THSD4: variants seen among roughly 807,000 people sequenced by gnomAD.
THSD4 encodes the protein thrombospondin type 1 domain containing 4.
In THSD4, 69 loss-of-function variants were observed where a neutral mutation model predicts 119.0. The observed-to-expected ratio is 0.58, with a 90% CI of 0.48 to 0.71. The LOEUF is 0.71. Ranked by LOEUF, THSD4 falls within the 30% of genes least tolerant of loss-of-function variation. The pLI is 0.00. For synonymous variants in THSD4, 524 were observed against 540.4 expected (o/e 0.97, Z 0.42); for missense variants, 1,393 against 1,391.1 (o/e 1.00, Z -0.02).
At chr15:71,674,351 G>A (rs907223732) in intron 8 of THSD4, among the ~76,000 whole-genome samples, 3 of 152,162 alleles carry the variant, frequency 2.0e-5, no homozygotes, top group South Asian at 2.1e-4. Context: ...CTGAGATTCG[G>A]TTTCCCCATA....
chr15:71,584,262 C>CT lies in THSD4; in HGVS notation c.1153-76245dup, dbSNP rs71154789. Among the ~76,000 whole-genome samples the CT allele has an allele frequency of 5.1e-3, 316 of 61,710 alleles. 11 individuals are homozygous for CT. Among genetic ancestry groups the CT allele is most frequent in the African/African-American group, 0.016 (216 of 13,130 alleles). 40.5% of individuals were successfully genotyped at this position (61,710 alleles called of 152,430 possible). ...TCACGTGGATTTTTTTTTTCACTTT[C>CT]TTTTTTTTTTTTTTTTTTTTTTTGA... is the stretch of plus-strand genomic sequence containing the variant. On this transcript the variant is annotated intron_variant, in intron 7 of 17. Transcript: ENST00000261862.
chr15:71,688,735 G>C (rs972986139), intron 8 of THSD4, among the ~76,000 whole-genome samples: 2 of 151,110 alleles, frequency 1.3e-5, no homozygotes, highest in African/African-American at 2.4e-5. Flanking sequence ...GTGTGTGTGT[G>C]TGTGTGTCTG....
intron 6 of THSD4, among the ~76,000 whole-genome samples, chr15:71,324,500 C>G (rs528703579): frequency 6.6e-6 from 1 of 152,102 alleles, no homozygotes; most frequent in Non-Finnish European, 1.5e-5. Context: ...GATTATATCA[C>G]TCTGTATGCC....
At chr15:71,233,077 GT>G in intron 4 of THSD4, among the ~76,000 whole-genome samples, 1 of 152,196 alleles carries the variant, frequency 6.6e-6, no homozygotes, top group Non-Finnish European at 1.5e-5. Context: ...TTCCGCCTCG[GT>G]ATGAGCTTGA....
chr15:71,289,287 A>G (rs552855449), intron 6 of THSD4, among the ~76,000 whole-genome samples: 6 of 152,126 alleles, frequency 3.9e-5, no homozygotes, highest in African/African-American at 1.2e-4. Flanking sequence ...CTGCTGGGAG[A>G]TGGGAATTAG....
At position 71,459,964 on chromosome 15, in the gene THSD4, T is replaced by TGCA. The variant is rs148468521; in HGVS notation, c.1152+48144_1152+48146dup. Among the ~76,000 whole-genome samples, 400 of 152,334 alleles carry TGCA rather than the reference T, an allele frequency of 2.6e-3. 2 individuals are homozygous for TGCA. The highest frequency in any genetic ancestry group is 9.0e-3 in the African/African-American group (374 of 41,582). ...TTATGCCACACTCAACCATACCTTT[T>TGCA]GCAGCCCCAAAGTTACCAGCGGTCT... On this transcript the variant is annotated intron_variant, in intron 7 of 17. Coordinates refer to ENST00000261862, the MANE Select transcript of THSD4 (RefSeq NM_024817.3).
chr15:71,103,670 T>A (rs1037698123), intron 1 of THSD4, among the ~76,000 whole-genome samples: 2 of 151,554 alleles, frequency 1.3e-5, no homozygotes, highest in Non-Finnish European at 2.9e-5. Flanking sequence ...ATAATTCCCC[T>A]CTCTTGGAAT....
rs185414799 is a variant in THSD4 at position 71,406,555 on chromosome 15, C to T, written c.1016-5132C>T. Among the ~76,000 whole-genome samples, 12 of 151,964 alleles carry T rather than the reference C, an allele frequency of 7.9e-5. No homozygotes were observed. The East Asian group carries it at 1.5e-3, about 20-fold the overall frequency. On this transcript the variant is annotated intron_variant, in intron 6 of 17. Coordinates refer to ENST00000261862, the MANE Select transcript of THSD4 (RefSeq NM_024817.3). ...CATATTGATCTTCTGTCTCATTGCT[C>T]CATTTATTATTGAAAGTGGGATATC...
intron 3 of THSD4, among the ~76,000 whole-genome samples, chr15:71,192,515 T>C: frequency 6.6e-6 from 1 of 152,118 alleles, no homozygotes; most frequent in Admixed American, 6.5e-5. Flanking sequence ...ACTCCTGGCC[T>C]CAAGTCTGCT....
chr15:71,236,032 C>T (rs2044102433), intron 4 of THSD4, among the ~76,000 whole-genome samples: 1 of 152,134 alleles, frequency 6.6e-6, no homozygotes, highest in Non-Finnish European at 1.5e-5. Context: ...GGTTCTCGGG[C>T]TCCACTCCTC....
chr15:71,566,200 T>G (rs2049235988), intron 7 of THSD4, among the ~76,000 whole-genome samples: 1 of 151,734 alleles, frequency 6.6e-6, no homozygotes, highest in African/African-American at 2.4e-5. Context: ...TCAAGTTCTC[T>G]TAAGGCACAG....
chr15:71,765,788 CTCTG>C (rs776483437), intron 16 of THSD4, among the ~76,000 whole-genome samples: 89 of 123,270 alleles, frequency 7.2e-4, no homozygotes, highest in African/African-American at 3.6e-3. Flanking sequence ...CGCACACACT[CTCTG>C]TGTGTGTGTG....
At chr15:71,678,004 G>A (rs758127328) in intron 8 of THSD4, among the ~76,000 whole-genome samples, 8 of 152,176 alleles carry the variant, frequency 5.3e-5, no homozygotes, top group East Asian at 1.9e-4. Flanking sequence ...AGGCAGCAGC[G>A]CCTAAGGACA....
chr15:71,461,405 A>G (rs546207085), intron 7 of THSD4, among the ~76,000 whole-genome samples: 2 of 152,312 alleles, frequency 1.3e-5, no homozygotes, highest in African/African-American at 4.8e-5. Context: ...TATTGGTTAC[A>G]AGGTCAGTGT....
At chr15:71,121,929 T>C (rs909121630) in intron 1 of THSD4, among the ~76,000 whole-genome samples, 3 of 152,106 alleles carry the variant, frequency 2.0e-5, no homozygotes, top group African/African-American at 7.2e-5. Context: ...GAGGATCAAA[T>C]CCAACCGTGC....
chr15:71,709,928 A>C (rs1291454198), intron 8 of THSD4, among the ~76,000 whole-genome samples: 1 of 152,118 alleles, frequency 6.6e-6, no homozygotes, highest in African/African-American at 2.4e-5. Flanking sequence ...TGATGCATGC[A>C]GTAGTAAAAG....
intron 7 of THSD4, among the ~76,000 whole-genome samples, chr15:71,584,258 CTTTCTTTTT>C (rs1567047928): frequency 2.8e-5 from 2 of 71,596 alleles, no homozygotes; most frequent in African/African-American, 4.0e-5. Flanking sequence ...TTTTTTTTCA[CTTTCTTTTT>C]TTTTTTTTTT....
At position 71,670,723 on chromosome 15, in the gene THSD4, C is replaced by G. The variant is rs561115621; in HGVS notation, c.1357+9989C>G. ...AAGTGTTCTCATTGTTCATTTCCCC[C>G]CTATGAGTGAGAACATGCGGTGTTT... On this transcript the variant is annotated intron_variant, in intron 8 of 17. Transcript: ENST00000261862. Among the ~76,000 whole-genome samples the G allele has an allele frequency of 4.6e-4, 70 of 151,788 alleles. No individual in the cohort carries two copies. The South Asian group carries it at 9.2e-3, about 20-fold the overall frequency.
chr15:71,547,037 T>G lies in THSD4; in HGVS notation c.1153-113493T>G, dbSNP rs1361433377. On this transcript the variant is annotated intron_variant, in intron 7 of 17. Transcript: ENST00000261862. ...CTGCCTCAGTGGACGAGGTAGGGGCTGTCCCCCTGCATGTGGCGTGCTTAC... is the reference window on the plus strand; with the variant it reads ...CTGCCTCAGTGGACGAGGTAGGGGCGGTCCCCCTGCATGTGGCGTGCTTAC... Among the ~76,000 whole-genome samples, 9 of 152,324 alleles carry G rather than the reference T, an allele frequency of 5.9e-5. 1 individual carries two copies. The Middle Eastern group carries it at 0.017, about 288-fold the overall frequency.
Sources: allele counts gnomAD v4.1 joint callset (sites outside exome capture counted in the v4.1 genomes callset), GRCh38; gene constraint gnomAD v4.1.1; transcripts MANE v1.5; gene names NCBI Gene and HGNC (gene_info 2026-07-23, HGNC 2026-07-21).